Variants in DNAAF6 observed in about 807,000 individuals in gnomAD.
The protein encoded by DNAAF6 is dynein axonemal assembly factor 6.
A neutral mutation model predicts 13.7 loss-of-function variants in DNAAF6; 3 were observed. That is an observed-to-expected ratio of 0.22 (90% CI 0.10 to 0.56). DNAAF6 has a LOEUF of 0.56. DNAAF6 is among the 20% of genes least tolerant of loss of function. DNAAF6 has a pLI of 0.92. For synonymous variants in DNAAF6, 54 were observed against 49.2 expected (o/e 1.10, Z -0.41); for missense variants, 130 against 151.0 (o/e 0.86, Z 0.73).
At chrX:107,209,599 AT>A (rs1927805570) in intron 1 of DNAAF6, among the ~76,000 whole-genome samples, 1 of 111,082 alleles carries the variant, frequency 9.0e-6, no homozygotes, top group African/African-American at 3.3e-5. Flanking sequence ...TGCCCGGCTA[AT>A]TTTTGTGTTT....
At chrX:107,216,650 G>A (rs1927993129) in intron 2 of DNAAF6, 21 bp from the exon 3 acceptor site, 1 of 1,125,428 alleles carries the variant, frequency 8.9e-7, no homozygotes, top group Non-Finnish European at 1.2e-6. Flanking sequence ...ACAGAATATT[G>A]AACTTTTTCT....
intron 5 of DNAAF6, among the ~76,000 whole-genome samples, chrX:107,230,118 A>C (rs1250615563): frequency 8.9e-6 from 1 of 111,981 alleles, no homozygotes; most frequent in African/African-American, 3.2e-5. Context: ...AATAACATTC[A>C]CCCAGTTGCT....
chrX:107,239,486 T>G (rs1335384887), intron 6 of DNAAF6, among the ~76,000 whole-genome samples: 1 of 111,865 alleles, frequency 8.9e-6, no homozygotes, highest in Admixed American at 9.5e-5. Context: ...ACATCTTATC[T>G]GGATATAGAG....
At chrX:107,209,010 G>A (rs1927786336) in intron 1 of DNAAF6, among the ~76,000 whole-genome samples, 2 of 111,543 alleles carry the variant, frequency 1.8e-5, no homozygotes, top group Admixed American at 9.6e-5. Context: ...TGATGGTAGC[G>A]AAAGTTAGAG....
In DNAAF6 at chrX:107,210,291, A is replaced by G. The variant is rs759549016; in HGVS notation, c.-3-2582A>G. On this transcript the variant is annotated intron_variant, in intron 1 of 6. Coordinates refer to ENST00000372453, the MANE Select transcript of DNAAF6 (RefSeq NM_173494.2). The stretch of plus-strand genomic sequence containing the variant: ...AAAGACAGTAATATATTTTGTTTTT[A>G]CTGAAACTCTTAAATTTTCCTTACT... 5.3e-5 allele frequency among the ~76,000 whole-genome samples: 6 copies of G among 112,555 alleles called. No homozygotes were observed. The South Asian group carries it at 2.2e-3, about 42-fold the overall frequency.
Position 107,229,834 on chromosome X carries a change from C to A in DNAAF6, c.429+6993C>A, listed in dbSNP as rs749215394. Among the ~76,000 whole-genome samples, 11 of 110,182 alleles carry A rather than the reference C, an allele frequency of 1.0e-4. No individual in the cohort carries two copies. The South Asian group carries it at 4.4e-3, about 44-fold the overall frequency. ...TCCGGAGTAGCTGGGACTACAGGCG[C>A]CCCCCACCACGCCCGGCTAATTTTT... is the stretch of plus-strand genomic sequence containing the variant. On this transcript the variant is annotated intron_variant, in intron 5 of 6. Coordinates refer to ENST00000372453, the MANE Select transcript of DNAAF6 (RefSeq NM_173494.2).
intron 6 of DNAAF6, among the ~76,000 whole-genome samples, chrX:107,242,037 C>G (rs765463286): frequency 2.7e-5 from 3 of 112,042 alleles, no homozygotes; most frequent in Non-Finnish European, 5.6e-5. Context: ...AAAGGATGGA[C>G]TCTACACGGT....
intron 5 of DNAAF6, among the ~76,000 whole-genome samples, chrX:107,229,935 C>T (rs1398658434): frequency 1.8e-5 from 2 of 111,226 alleles, no homozygotes; most frequent in Non-Finnish European, 3.8e-5. Flanking sequence ...GATCCGCCCG[C>T]CTCGGCCTCC....
chrX:107,241,591 C>T (rs905558136), intron 6 of DNAAF6, among the ~76,000 whole-genome samples: 2 of 111,850 alleles, frequency 1.8e-5, no homozygotes, highest in African/African-American at 6.5e-5. Context: ...CATTAATGTC[C>T]TTCCATGAAT....
At chrX:107,210,861 TAGG>T (rs1189771525) in intron 1 of DNAAF6, among the ~76,000 whole-genome samples, 1 of 111,664 alleles carries the variant, frequency 9.0e-6, no homozygotes, top group Non-Finnish European at 1.9e-5. Flanking sequence ...ACAGAATATG[TAGG>T]AGAATAATAG....
intron 6 of DNAAF6, among the ~76,000 whole-genome samples, chrX:107,242,853 C>T (rs994716336): frequency 9.0e-6 from 1 of 111,722 alleles, no homozygotes; most frequent in African/African-American, 3.2e-5. Context: ...TGAGTGGCAA[C>T]AGATCTGTCC....
chrX:107,234,201 A>C (rs1229057820), intron 5 of DNAAF6, among the ~76,000 whole-genome samples: 2 of 112,337 alleles, frequency 1.8e-5, no homozygotes, highest in East Asian at 5.6e-4. Flanking sequence ...AAATGGTAGC[A>C]TTATTGAAAT....
chrX:107,243,503 C>A lies in DNAAF6; in HGVS notation c.*205C>A. On this transcript the variant is annotated 3_prime_UTR_variant, in exon 7 of 7. Transcript: ENST00000372453. ...ATGTTTCCTTGGCCAGGTGCAATGG[C>A]TCATGCCTGTAATCCCAACACTTTG... The A allele has an allele frequency of 2.3e-6, 1 of 427,654 alleles. No homozygotes were observed. Among genetic ancestry groups the A allele is most frequent in the Non-Finnish European group, 3.4e-6 (1 of 290,890 alleles). 35.2% of individuals were successfully genotyped at this position (427,654 alleles called of 1,213,427 possible).
chrX:107,227,571 C>T (rs1480801899), intron 5 of DNAAF6, among the ~76,000 whole-genome samples: 1 of 108,994 alleles, frequency 9.2e-6, no homozygotes, highest in African/African-American at 3.4e-5. Context: ...GGAAGGATAT[C>T]TGATCTGTAC....
At chrX:107,215,316 T>C (rs1242319298) in intron 2 of DNAAF6, among the ~76,000 whole-genome samples, 3 of 111,533 alleles carry the variant, frequency 2.7e-5, no homozygotes, top group Non-Finnish European at 5.6e-5. Context: ...CTGCTTTTAA[T>C]TTTCTGTGGA....
chrX:107,218,994 T>C, intron 4 of DNAAF6, 25 bp downstream of exon 4: 1 of 1,143,100 alleles, frequency 8.7e-7, no homozygotes, highest in Non-Finnish European at 1.2e-6. Context: ...GCCAGGAATG[T>C]CTTTAGGAGT....
At chrX:107,229,127 CTTTTTT>C (rs768372176) in intron 5 of DNAAF6, among the ~76,000 whole-genome samples, 23 of 51,592 alleles carry the variant, frequency 4.5e-4, no homozygotes, top group Middle Eastern at 0.014. Flanking sequence ...GTTGACTACT[CTTTTTT>C]TTTTTTTTTT....
intron 5 of DNAAF6, among the ~76,000 whole-genome samples, chrX:107,233,128 A>G (rs2147836062): frequency 8.9e-6 from 1 of 111,986 alleles, no homozygotes; most frequent in Non-Finnish European, 1.9e-5. Flanking sequence ...ACAAGTAACT[A>G]TTCTTAGAGA....
At chrX:107,216,828 T>C in intron 3 of DNAAF6, 85 bp downstream of exon 3, 1 of 598,485 alleles carries the variant, frequency 1.7e-6, no homozygotes, top group Non-Finnish European at 2.5e-6. Context: ...GTACTAATAC[T>C]AGTATTTATT....
Sources: gnomAD v4.1 joint callset for allele counts (sites outside exome capture counted in the v4.1 genomes callset) on GRCh38, gnomAD v4.1.1 for gene constraint, MANE v1.5 for transcripts, NCBI Gene and HGNC (gene_info 2026-07-23, HGNC 2026-07-21) for gene names.